MGAT5: variants seen among roughly 807,000 people sequenced by gnomAD.
MGAT5 encodes alpha-1,6-mannosylglycoprotein 6-beta-N-acetylglucosaminyltransferase A.
In MGAT5, 30 loss-of-function variants were observed where a neutral mutation model predicts 94.3. That is an observed-to-expected ratio of 0.32 (90% CI 0.24 to 0.43). The LOEUF is 0.43. Among genes scored for constraint, MGAT5 ranks in the 20% least tolerant of loss-of-function variants. The probability of loss-of-function intolerance (pLI) is 1.00; values close to 1 mark genes in which losing one functional copy is unlikely to be tolerated. For missense variants in MGAT5, 691 were observed against 905.5 expected (o/e 0.76, Z 3.04); for synonymous variants, 310 against 322.9 (o/e 0.96, Z 0.43).
At chr2:134,266,160 C>CAA (rs371430614) in intron 1 of MGAT5, among the ~76,000 whole-genome samples, 8,896 of 112,384 alleles carry the variant, frequency 0.079, 442 homozygotes, top group Middle Eastern at 0.19. Flanking sequence ...GACTCCATCT[C>CAA]AAAAAAAAAA....
At chr2:134,396,469 T>A (rs758780718) in intron 10 of MGAT5, among the ~76,000 whole-genome samples, 1 of 152,186 alleles carries the variant, frequency 6.6e-6, no homozygotes, top group Non-Finnish European at 1.5e-5. Context: ...TTGCAGTTCC[T>A]AAGTGAATGT....
At position 134,218,345 on chromosome 2, in the gene MGAT5, C is replaced by G. The variant is rs183354962; in HGVS notation, c.-142-35917C>G. Among the ~76,000 whole-genome samples the G allele has an allele frequency of 2.4e-3, 362 of 152,260 alleles. 4 individuals carry two copies. Among genetic ancestry groups the G allele is most frequent in the African/African-American group, 8.5e-3 (353 of 41,536 alleles). ...ATTCAACGTATCAGTTAACTGTTAC[C>G]ACATGACACCCTGTCCCAAAACTTA... On this transcript the variant is annotated intron_variant, in intron 1 of 16. Transcript: ENST00000409645.
At chr2:134,248,847 C>G (rs1682428742) in intron 1 of MGAT5, among the ~76,000 whole-genome samples, 1 of 152,010 alleles carries the variant, frequency 6.6e-6, no homozygotes, top group African/African-American at 2.4e-5. Flanking sequence ...AATAGGGCCT[C>G]CAGGGATGTT....
At chr2:134,338,100 C>T (rs1688432249) in intron 5 of MGAT5, among the ~76,000 whole-genome samples, 159 bp from the exon 6 acceptor site, 2 of 152,164 alleles carry the variant, frequency 1.3e-5, no homozygotes, top group South Asian at 4.1e-4. Flanking sequence ...GTTTGCAATC[C>T]TGGGACCTTA....
chr2:134,138,993 T>G (rs1175289409), intron 1 of MGAT5, among the ~76,000 whole-genome samples: 1 of 152,218 alleles, frequency 6.6e-6, no homozygotes, highest in Non-Finnish European at 1.5e-5. Flanking sequence ...CAGGCCACTC[T>G]GTCTGCAAAT....
intron 14 of MGAT5, among the ~76,000 whole-genome samples, chr2:134,430,865 T>C (rs766745195): frequency 2.6e-5 from 4 of 152,168 alleles, no homozygotes; most frequent in African/African-American, 4.8e-5. Flanking sequence ...GCAAGTTTCA[T>C]GGAGAAGGCA....
At position 134,428,350 on chromosome 2, in the gene MGAT5, GCT is replaced by G; in HGVS notation, c.1795-12_1795-11del. 6.2e-7 allele frequency: 1 copy of G among 1,611,878 alleles called. No individual in the cohort carries two copies. Among genetic ancestry groups the G allele is most frequent in the African/African-American group, 1.3e-5 (1 of 75,002 alleles). ...CTGTCCTTCTCCTTCATGGTATCAT[GCT>G]CTGTTTCCACAGATTGAGCCATACA... On this transcript the variant is annotated splice_polypyrimidine_tract_variant and intron_variant, in intron 13 of 15. Coordinates refer to ENST00000281923, the MANE Select transcript of MGAT5 (RefSeq NM_002410.5).
intron 1 of MGAT5, among the ~76,000 whole-genome samples, chr2:134,194,201 A>G (rs925354432): frequency 6.6e-6 from 1 of 152,194 alleles, no homozygotes; most frequent in Non-Finnish European, 1.5e-5. Context: ...TATTGCTAGT[A>G]TTGTTATAAA....
rs1225858555 is a variant in MGAT5, at chr2:134,228,669, G to GGGAA, written c.-142-25590_-142-25587dup. 4.6e-5 allele frequency among the ~76,000 whole-genome samples: 7 copies of GGGAA among 152,282 alleles called. No homozygotes were observed. In the East Asian group the frequency reaches 1.4e-3, roughly 29 times the overall value. ...TGCTTCCTGCTTTCCAGTGGTTTCT[G>GGGAA]GGAAGGCTCTTCCAGAGTGTGTCCT... On this transcript the variant is annotated intron_variant, in intron 1 of 16. Coordinates refer to the MGAT5 transcript ENST00000409645.
chr2:134,288,360 C>T (rs1247862692), intron 2 of MGAT5, among the ~76,000 whole-genome samples: 2 of 152,196 alleles, frequency 1.3e-5, no homozygotes, highest in East Asian at 3.9e-4. Context: ...CTAGCCCAGT[C>T]TGTAAATAAA....
chr2:134,304,930 A>G (rs1337572339), intron 2 of MGAT5, among the ~76,000 whole-genome samples: 1 of 152,156 alleles, frequency 6.6e-6, no homozygotes, highest in Non-Finnish European at 1.5e-5. Context: ...CAGGCTTGGC[A>G]TGTATATTTT....
chr2:134,418,585 T>C (rs963310633), intron 12 of MGAT5, among the ~76,000 whole-genome samples: 3 of 152,186 alleles, frequency 2.0e-5, no homozygotes, highest in African/African-American at 4.8e-5. Flanking sequence ...AAATCTGATA[T>C]GAAAGAGTTA....
intron 10 of MGAT5, among the ~76,000 whole-genome samples, chr2:134,373,089 A>T (rs1288320943): frequency 6.6e-6 from 1 of 152,170 alleles, no homozygotes; most frequent in East Asian, 1.9e-4. Context: ...TATTACTCCA[A>T]CCCTAACAGT....
At chr2:134,403,901 G>T (rs1380414118) in intron 11 of MGAT5, among the ~76,000 whole-genome samples, 1 of 152,216 alleles carries the variant, frequency 6.6e-6, no homozygotes, top group East Asian at 1.9e-4. Context: ...ATTTTGCTCA[G>T]CAGTAGCATG....
At chr2:134,384,097 C>A (rs942894567) in intron 10 of MGAT5, among the ~76,000 whole-genome samples, 5 of 151,884 alleles carry the variant, frequency 3.3e-5, no homozygotes, top group Non-Finnish European at 7.4e-5. Context: ...CAGTGGGACA[C>A]ATCTAAGGTC....
chr2:134,232,025 A>G (rs1375178311), intron 1 of MGAT5, among the ~76,000 whole-genome samples: 1 of 152,084 alleles, frequency 6.6e-6, no homozygotes. Context: ...TGTCTTGGTG[A>G]ATGACATGTC....
Position 134,451,641 on chromosome 2 carries a change from G to A in MGAT5, c.*2794G>A, listed in dbSNP as rs963848779. The stretch of plus-strand genomic sequence containing the variant: ...ATAGCTGATAACAGTTCCATGGGGA[G>A]AGAAATCCTAAGTTATGATTAATGT... On this transcript the variant is annotated 3_prime_UTR_variant, in exon 16 of 16. Coordinates refer to ENST00000281923, the MANE Select transcript of MGAT5 (RefSeq NM_002410.5). 1.3e-5 allele frequency: 2 copies of A among 152,246 alleles called. No individual in the cohort carries two copies. The highest frequency in any genetic ancestry group is 4.8e-5 in the African/African-American group (2 of 41,466). The allele number at this position is 152,246 out of a possible 1,614,324, so 9.4% of individuals were successfully genotyped here. A position where few individuals can be genotyped will look rare whatever the true frequency, so the allele number is the denominator to read the frequency against.
At chr2:134,177,578 T>C (rs747320438) in intron 1 of MGAT5, among the ~76,000 whole-genome samples, 1 of 152,240 alleles carries the variant, frequency 6.6e-6, no homozygotes, top group Non-Finnish European at 1.5e-5. Context: ...TTCCCGTTCT[T>C]CTGATTCACT....
chr2:134,147,722 C>G (rs1385203707), intron 1 of MGAT5, among the ~76,000 whole-genome samples: 1 of 152,090 alleles, frequency 6.6e-6, no homozygotes, highest in African/African-American at 2.4e-5. Context: ...GTAATAGAAT[C>G]AGCGTTGGGA....
Sources: gnomAD v4.1 joint callset for allele counts (sites outside exome capture counted in the v4.1 genomes callset) on GRCh38, gnomAD v4.1.1 for gene constraint, MANE v1.5 for transcripts, NCBI Gene and HGNC (gene_info 2026-07-23, HGNC 2026-07-21) for gene names.